The following RASSF6 variants were observed in gnomAD, a reference collection of about 807,000 sequenced individuals.
RASSF6 encodes the protein Ras association domain family member 6, also known as ras association domain-containing protein 6.
RASSF6 carries 52 observed loss-of-function variants against 44.0 expected under a neutral mutation model. The ratio of observed to expected loss-of-function variants is 1.18; its 90% CI spans 0.95 to 1.49. RASSF6 has a LOEUF of 1.49. RASSF6 is among the 40% of genes most tolerant of loss of function. The pLI is 0.00. For missense variants in RASSF6, 464 were observed against 393.3 expected (o/e 1.18, Z -1.52); for synonymous variants, 162 against 124.6 (o/e 1.30, Z -2.00).
chr4:73,620,060 C>A (rs959085497), intron 1 of RASSF6, among the ~76,000 whole-genome samples: 10 of 152,068 alleles, frequency 6.6e-5, no homozygotes, highest in African/African-American at 2.4e-4. Context: ...TCTCTGCACC[C>A]TTTCCCTCCC....
At chr4:73,618,261 T>G (rs1726487020) in intron 1 of RASSF6, among the ~76,000 whole-genome samples, 1 of 148,556 alleles carries the variant, frequency 6.7e-6, no homozygotes. Context: ...AGAATAAATG[T>G]AAATTCAACA....
At chr4:73,577,843 A>G (rs942474492) in intron 8 of RASSF6, among the ~76,000 whole-genome samples, 16 of 152,310 alleles carry the variant, frequency 1.1e-4, no homozygotes, top group African/African-American at 3.8e-4. Context: ...TTAAAAATGC[A>G]TATTCCTAGA....
At chr4:73,615,965 T>C (rs1726327734) in intron 1 of RASSF6, 1 of 1,536,808 alleles carries the variant, frequency 6.5e-7, no homozygotes, top group Admixed American at 2.0e-5. Flanking sequence ...AATGGGTCAG[T>C]CATTTAAAGT....
Position 73,598,574 on chromosome 4 carries a change from G to C in RASSF6, c.144+66C>G, listed in dbSNP as rs1027874995. 35 of 759,346 alleles carry C rather than the reference G, an allele frequency of 4.6e-5. No individual in the cohort carries two copies. In the African/African-American group the frequency reaches 6.1e-4, roughly 13 times the overall value. 47.0% of individuals were successfully genotyped at this position (759,346 alleles called of 1,614,324 possible). ...TCACCTGTTTCTTCCAGAATTGTGTGTGTGTGTGTGTGCACGCATGTGTGT... is the reference window on the plus strand; with the variant it reads ...TCACCTGTTTCTTCCAGAATTGTGTCTGTGTGTGTGTGCACGCATGTGTGT... On this transcript the variant is annotated intron_variant, in intron 3 of 10. Transcript: ENST00000307439.
At position 73,573,941 on chromosome 4, in the gene RASSF6, T is replaced by C. The variant is rs1723059095; in HGVS notation, c.*2294A>G. 1 of 152,260 alleles carries C rather than the reference T, an allele frequency of 6.6e-6. No individual in the cohort carries two copies. The highest frequency in any genetic ancestry group is 1.5e-5 in the Non-Finnish European group (1 of 68,084). The allele number at this position is 152,260 out of a possible 1,614,324, so 9.4% of individuals were successfully genotyped here. On this transcript the variant is annotated 3_prime_UTR_variant, in exon 11 of 11. Coordinates refer to ENST00000307439, the MANE Select transcript of RASSF6 (RefSeq NM_177532.5). Reference sequence around the variant, plus strand: ...GGGGTCTTTCCTGATTCCTCCAGGCTGACAGGCCAGGCTACTGGAGAGCAG... The same window carrying C: ...GGGGTCTTTCCTGATTCCTCCAGGCCGACAGGCCAGGCTACTGGAGAGCAG...
intron 5 of RASSF6, 36 bp from the exon 6 acceptor site, chr4:73,585,400 C>G (rs764371458): frequency 1.6e-5 from 23 of 1,412,908 alleles, no homozygotes; most frequent in Non-Finnish European, 4.8e-6. Context: ...TATCATTCAG[C>G]TGCCTGTGTC....
intron 6 of RASSF6, among the ~76,000 whole-genome samples, chr4:73,583,086 G>A (rs888486251): frequency 7.9e-5 from 12 of 152,086 alleles, no homozygotes; most frequent in African/African-American, 2.9e-4. Context: ...GTGGTTTGAT[G>A]TTGTTTATGT....
At chr4:73,595,225 C>T (rs908865076) in intron 3 of RASSF6, among the ~76,000 whole-genome samples, 4 of 152,074 alleles carry the variant, frequency 2.6e-5, no homozygotes, top group Non-Finnish European at 4.4e-5. Flanking sequence ...GACAGAGTCT[C>T]GCTCTGTCAC....
At chr4:73,598,144 G>T (rs1056593210) in intron 3 of RASSF6, among the ~76,000 whole-genome samples, 5 of 152,072 alleles carry the variant, frequency 3.3e-5, no homozygotes, top group African/African-American at 1.2e-4. Flanking sequence ...CTAGCTTCAG[G>T]ACTTTCCTGA....
At chr4:73,580,762 T>C (rs1168491115) in intron 8 of RASSF6, among the ~76,000 whole-genome samples, 1 of 108,918 alleles carries the variant, frequency 9.2e-6, no homozygotes, top group African/African-American at 3.0e-5. Context: ...CATTGTAGAT[T>C]CTGGATATTA....
rs1725401981 is a variant in RASSF6, at chr4:73,603,254, T to C, written c.66-4536A>G. Among the ~76,000 whole-genome samples the C allele has an allele frequency of 2.0e-5, 3 of 152,210 alleles. No homozygotes were observed. The South Asian group carries it at 6.2e-4, about 31-fold the overall frequency. ...GGTGTTTTTAAACATCATCAAACAC[T>C]ATATAAGGATGGTGTTTTCACTAAA... On this transcript the variant is annotated intron_variant, in intron 2 of 10. Transcript: ENST00000307439.
At chr4:73,593,324 G>T in intron 4 of RASSF6, 127 bp downstream of exon 4, 1 of 988,520 alleles carries the variant, frequency 1.0e-6, no homozygotes, top group Non-Finnish European at 1.4e-6. Context: ...CCATTGCTGG[G>T]AAATTAAATG....
At chr4:73,596,259 C>A (rs1371657755) in intron 3 of RASSF6, among the ~76,000 whole-genome samples, 1 of 152,084 alleles carries the variant, frequency 6.6e-6, no homozygotes, top group Non-Finnish European at 1.5e-5. Context: ...AGCCCAAAAG[C>A]TTCTTAAGCT....
chr4:73,612,908 C>G lies in RASSF6; in HGVS notation c.-34-1079G>C, dbSNP rs114156715. Among the ~76,000 whole-genome samples the G allele has an allele frequency of 1.4e-3, 210 of 152,210 alleles. 1 individual carries two copies. Among genetic ancestry groups the G allele is most frequent in the African/African-American group, 4.6e-3 (190 of 41,532 alleles). On this transcript the variant is annotated intron_variant, in intron 1 of 10. Coordinates refer to ENST00000307439, the MANE Select transcript of RASSF6 (RefSeq NM_177532.5). Reference sequence around the variant, plus strand: ...TACCTTTCCAGGCTCCAAATTGAAACATTTCTTCAACACCAGGCCTTGTAA... The same window carrying G: ...TACCTTTCCAGGCTCCAAATTGAAAGATTTCTTCAACACCAGGCCTTGTAA...
At chr4:73,593,645 G>A in intron 3 of RASSF6, 52 bp from the exon 4 acceptor site, 1 of 1,348,568 alleles carries the variant, frequency 7.4e-7, no homozygotes, top group Non-Finnish European at 9.9e-7. Context: ...TTTATAGACG[G>A]TAAATGTTTT....
chr4:73,588,131 C>T (rs552962060), intron 4 of RASSF6, among the ~76,000 whole-genome samples, 197 bp from the exon 5 acceptor site: 1 of 152,008 alleles, frequency 6.6e-6, no homozygotes, highest in South Asian at 2.1e-4. Flanking sequence ...TAAATGCTTC[C>T]TGTACTTTTA....
chr4:73,585,777 C>T (rs1262356909), intron 5 of RASSF6, among the ~76,000 whole-genome samples: 1 of 151,840 alleles, frequency 6.6e-6, no homozygotes, highest in Admixed American at 6.6e-5. Flanking sequence ...TTCCTATGGA[C>T]ATAGTACTCA....
intron 4 of RASSF6, among the ~76,000 whole-genome samples, chr4:73,589,423 A>C (rs962769124): frequency 6.6e-6 from 1 of 152,046 alleles, no homozygotes; most frequent in Non-Finnish European, 1.5e-5. Context: ...GAAAAACAGA[A>C]ACTAAAAATG....
intron 1 of RASSF6, among the ~76,000 whole-genome samples, chr4:73,612,158 G>T (rs1726058083): frequency 6.6e-6 from 1 of 152,090 alleles, no homozygotes; most frequent in Non-Finnish European, 1.5e-5. Flanking sequence ...ACCCAAACTG[G>T]CTGAACCTTG....
Sources: gnomAD v4.1 joint callset for allele counts (sites outside exome capture counted in the v4.1 genomes callset) on GRCh38, gnomAD v4.1.1 for gene constraint, MANE v1.5 for transcripts, NCBI Gene and HGNC (gene_info 2026-07-23, HGNC 2026-07-21) for gene names.